Variants in MTCL1 observed in about 807,000 individuals in gnomAD.
MTCL1 encodes microtubule crosslinking factor 1.
Under a neutral mutation model 141.4 loss-of-function variants are expected in MTCL1, and 79 were observed. The observed-to-expected ratio is 0.56, with a 90% CI of 0.47 to 0.67. The LOEUF (loss-of-function observed/expected upper bound fraction) is 0.67, where lower values mean the gene tolerates loss of function less well. Among genes scored for constraint, MTCL1 ranks in the 30% least tolerant of loss-of-function variants. MTCL1 has a pLI of 0.00. For missense variants in MTCL1, 2,177 were observed against 2,113.9 expected (o/e 1.03, Z -0.59); for synonymous variants, 914 against 875.8 (o/e 1.04, Z -0.77).
chr18:8,715,101 T>C (rs951796028), upstream of MTCL1, among the ~76,000 whole-genome samples: 4 of 152,210 alleles, frequency 2.6e-5, no homozygotes, highest in Non-Finnish European at 5.9e-5. Context: ...CGGCCCCTAA[T>C]TTTATTTGCA....
chr18:8,812,332 CT>C (rs893466556), intron 11 of MTCL1, among the ~76,000 whole-genome samples: 1 of 151,738 alleles, frequency 6.6e-6, no homozygotes, highest in African/African-American at 2.4e-5. Flanking sequence ...TGTTTTCCTT[CT>C]TTTTTGAAAG....
intron 1 of MTCL1, among the ~76,000 whole-genome samples, chr18:8,709,127 G>T (rs2096073183): frequency 6.6e-6 from 1 of 152,182 alleles, no homozygotes; most frequent in South Asian, 2.1e-4. Flanking sequence ...TGCAGTGGTG[G>T]TTAGCGTGTG....
At chr18:8,827,373 G>T (rs1305552730) in intron 15 of MTCL1, among the ~76,000 whole-genome samples, 2 of 152,242 alleles carry the variant, frequency 1.3e-5, no homozygotes, top group Admixed American at 6.5e-5. Flanking sequence ...CAGAATGCAG[G>T]CTTGAAATCT....
intron 4 of MTCL1, among the ~76,000 whole-genome samples, chr18:8,747,890 C>T (rs574808163): frequency 7.9e-5 from 12 of 152,282 alleles, no homozygotes; most frequent in Non-Finnish European, 1.6e-4. Flanking sequence ...CTCAGCAGCC[C>T]TGCACAGGCT....
In MTCL1 at chr18:8,830,032, CACACAACACACACAGAACAGATACACAAT is replaced by C; in HGVS notation, c.*18+1083_*18+1111del. 1.0e-6 allele frequency: 1 copy of C among 985,502 alleles called. No homozygotes were observed. The highest frequency in any genetic ancestry group is 1.1e-4 in the East Asian group (1 of 8,802). 61.0% of individuals were successfully genotyped at this position (985,502 alleles called of 1,614,324 possible). On this transcript the variant is annotated intron_variant, in intron 16 of 16. Transcript: ENST00000359865. The surrounding 1 kb of genome is among the most constrained non-coding windows in gnomAD (Gnocchi z 6.4). ...AAACCTATGACAGCAGCTTCACCAA[CACACAACACACACAGAACAGATACACAAT>C]ACACAACACACACACTACTTCTATA...
chr18:8,809,747 A>G, intron 11 of MTCL1: 1 of 846,998 alleles, frequency 1.2e-6, no homozygotes, highest in East Asian at 2.7e-5. Context: ...ATGGGCCATC[A>G]CTGAGACAGG....
chr18:8,750,660 G>A lies in MTCL1; in HGVS notation c.358-27173G>A, dbSNP rs2096366164. Among the ~76,000 whole-genome samples, 3 of 152,352 alleles carry A rather than the reference G, an allele frequency of 2.0e-5. No homozygotes were observed. The South Asian group carries it at 6.2e-4, about 32-fold the overall frequency. On this transcript the variant is annotated intron_variant, in intron 4 of 16. Transcript: ENST00000359865. ...GGACCCCAAATGCCTATATCCAGAG[G>A]ACACTGCCCTGCAACGGTCTTGAGA...
intron 4 of MTCL1, among the ~76,000 whole-genome samples, chr18:8,772,910 C>G (rs1477294900): frequency 6.6e-6 from 1 of 151,390 alleles, no homozygotes; most frequent in Non-Finnish European, 1.5e-5. Flanking sequence ...GGATGCTAAC[C>G]CTAAATAAAA....
intron 10 of MTCL1, among the ~76,000 whole-genome samples, chr18:8,804,968 CAG>C (rs2076244039): frequency 7.5e-6 from 1 of 132,878 alleles, no homozygotes; most frequent in Non-Finnish European, 1.5e-5. Flanking sequence ...GCCTGGGTGA[CAG>C]AGCGAGACCT....
chr18:8,778,750 G>A (rs982048956), intron 5 of MTCL1, among the ~76,000 whole-genome samples: 2 of 152,222 alleles, frequency 1.3e-5, no homozygotes, highest in Non-Finnish European at 2.9e-5. Context: ...ATTAATAACA[G>A]GGAAATTAAA....
chr18:8,743,110 G>A (rs2096313875), intron 4 of MTCL1, among the ~76,000 whole-genome samples: 1 of 152,244 alleles, frequency 6.6e-6, no homozygotes, highest in South Asian at 2.1e-4. Flanking sequence ...TGCAGATGGA[G>A]AAGTCCCGTG....
chr18:8,778,703 C>T (rs992103320), intron 5 of MTCL1, among the ~76,000 whole-genome samples: 1 of 152,234 alleles, frequency 6.6e-6, no homozygotes, highest in South Asian at 2.1e-4. Flanking sequence ...CTGTTCCCTT[C>T]CACCCTCCCC....
exon 15 of MTCL1, chr18:8,826,194 C>T (rs564703414): frequency 1.2e-6 from 2 of 1,610,026 alleles, no homozygotes; most frequent in African/African-American, 2.7e-5. Flanking sequence ...CAGTGACAGC[C>T]ACTCGCTGGG....
intron 8 of MTCL1, among the ~76,000 whole-genome samples, chr18:8,796,012 A>G (rs2075904487): frequency 6.6e-6 from 1 of 152,202 alleles, no homozygotes; most frequent in African/African-American, 2.4e-5. Flanking sequence ...ATAATACCTT[A>G]TTTTGAAATA....
intron 10 of MTCL1, among the ~76,000 whole-genome samples, chr18:8,804,993 A>G (rs963708895): frequency 6.6e-6 from 1 of 151,486 alleles, no homozygotes; most frequent in Non-Finnish European, 1.5e-5. Flanking sequence ...CCTCAAAAAA[A>G]AAAAAAAAAA....
intron 11 of MTCL1, chr18:8,809,343 A>G: frequency 7.2e-7 from 1 of 1,385,152 alleles, no homozygotes; most frequent in East Asian, 2.5e-5. Context: ...TCCTCCGGTT[A>G]TAAACATAGG....
chr18:8,824,699 G>A (rs1598819339), exon 15 of MTCL1: 1 of 1,607,622 alleles, frequency 6.2e-7, no homozygotes, highest in Non-Finnish European at 8.5e-7. Context: ...CTTTTCCCAG[G>A]GCGGTGTCCG....
At chr18:8,783,688 C>T (rs1423939024) in exon 6 of MTCL1, 6 of 1,610,450 alleles carry the variant, frequency 3.7e-6, no homozygotes, top group Middle Eastern at 1.6e-4. Flanking sequence ...GTCCCCTGCC[C>T]ACGGGGGAAG....
At chr18:8,794,917 C>G (rs1210328159) in intron 8 of MTCL1, among the ~76,000 whole-genome samples, 2 of 152,188 alleles carry the variant, frequency 1.3e-5, no homozygotes. Flanking sequence ...GTTACATCTT[C>G]AGTGTGAAAT....
Sources: gnomAD v4.1 joint callset for allele counts (sites outside exome capture counted in the v4.1 genomes callset) on GRCh38, gnomAD v4.1.1 for gene constraint, Gnocchi (gnomAD v3.1) non-coding constraint, MANE v1.5 for transcripts, NCBI Gene and HGNC (gene_info 2026-07-23, HGNC 2026-07-21) for gene names.